Variants in MYO1E observed in about 807,000 individuals in gnomAD.
MYO1E encodes myosin IE.
In MYO1E, 68 loss-of-function variants were observed where a neutral mutation model predicts 151.1. The ratio of observed to expected loss-of-function variants is 0.45; its 90% CI spans 0.37 to 0.55. MYO1E has a LOEUF of 0.55. Ranked by LOEUF, MYO1E falls within the 20% of genes least tolerant of loss-of-function variation. The probability of loss-of-function intolerance (pLI) is 0.00; values close to 1 mark genes in which losing one functional copy is unlikely to be tolerated. For synonymous variants in MYO1E, 601 were observed against 501.7 expected, an observed-to-expected ratio of 1.20 and a Z score of -2.64; for missense variants, 1,363 against 1,389.3, an observed-to-expected ratio of 0.98 and a Z score of 0.30.
chr15:59,209,370 T>C (rs1330797827), intron 13 of MYO1E, among the ~76,000 whole-genome samples: 1 of 152,174 alleles, frequency 6.6e-6, no homozygotes, highest in African/African-American at 2.4e-5. Context: ...TGATATGCTA[T>C]AGTTTGTTTA....
chr15:59,333,527 C>T (rs1567017490), intron 1 of MYO1E, among the ~76,000 whole-genome samples: 2 of 152,256 alleles, frequency 1.3e-5, no homozygotes, highest in South Asian at 2.1e-4. Context: ...TAGGTGAGAG[C>T]GAGGTATCTA....
At chr15:59,330,720 T>C (rs1469616793) in intron 1 of MYO1E, among the ~76,000 whole-genome samples, 1 of 152,216 alleles carries the variant, frequency 6.6e-6, no homozygotes, top group Non-Finnish European at 1.5e-5. Context: ...GTCAGCAAAC[T>C]ACAGCCCGTG....
At chr15:59,214,396 T>C (rs1297298048) in intron 11 of MYO1E, 82 bp from the exon 12 acceptor site, 7 of 1,102,060 alleles carry the variant, frequency 6.4e-6, no homozygotes, top group Non-Finnish European at 9.6e-6. Flanking sequence ...TTGAAATGTC[T>C]TCATGTGAAA....
chr15:59,194,239 T>C (rs1237486359), intron 17 of MYO1E, among the ~76,000 whole-genome samples: 1 of 152,052 alleles, frequency 6.6e-6, no homozygotes, highest in Non-Finnish European at 1.5e-5. Context: ...CATAGTGGCC[T>C]GAAAAGATGG....
chr15:59,231,556 T>C, intron 6 of MYO1E, 146 bp downstream of exon 6: 1 of 869,262 alleles, frequency 1.2e-6, no homozygotes, highest in Admixed American at 2.1e-5. Flanking sequence ...GGCGGCATGC[T>C]GCTATAGAAA....
intron 4 of MYO1E, 25 bp downstream of exon 4, chr15:59,256,259 C>T (rs747732915): frequency 6.5e-5 from 99 of 1,529,760 alleles, no homozygotes; most frequent in Non-Finnish European, 8.4e-5. Flanking sequence ...TCTTCCACGC[C>T]CACTGATAAG....
Position 59,287,912 on chromosome 15 carries a change from A to G in MYO1E, c.4-15463T>C, listed in dbSNP as rs552139231. 3.3e-5 allele frequency among the ~76,000 whole-genome samples: 5 copies of G among 152,374 alleles called. No homozygotes were observed. The South Asian group carries it at 6.2e-4, about 19-fold the overall frequency. On this transcript the variant is annotated intron_variant, in intron 1 of 27. Transcript: ENST00000288235. ...TCAGAAAATGCGTGAATGAATGATT[A>G]TAAGTTATTGTCAAATGAAAACTTT...
intron 26 of MYO1E, 25 bp from the exon 27 acceptor site, chr15:59,138,392 G>A: frequency 6.2e-7 from 1 of 1,613,230 alleles, no homozygotes; most frequent in Non-Finnish European, 8.5e-7. Flanking sequence ...GAGCAGATGA[G>A]ACTGGGCCCC....
chr15:59,141,797 CAAAAAA>C (rs753344067), intron 26 of MYO1E, among the ~76,000 whole-genome samples: 1 of 44,936 alleles, frequency 2.2e-5, no homozygotes. Context: ...GACTTTGTCT[CAAAAAA>C]AAAAAAAAAA....
chr15:59,194,536 G>A (rs577097895), intron 17 of MYO1E, among the ~76,000 whole-genome samples: 13 of 152,244 alleles, frequency 8.5e-5, no homozygotes, highest in East Asian at 5.8e-4. Flanking sequence ...GCTAAACCTG[G>A]AGTTCTTCAC....
In MYO1E at chr15:59,173,423, A is replaced by T. The variant is rs191442831; in HGVS notation, c.2334+323T>A. Among the ~76,000 whole-genome samples the T allele has an allele frequency of 3.5e-3, 505 of 145,902 alleles. 6 individuals carry two copies. Among genetic ancestry groups the T allele is most frequent in the African/African-American group, 0.011 (470 of 41,264 alleles). On this transcript the variant is annotated intron_variant, in intron 21 of 27. Transcript: ENST00000288235. ...TATTGCTAACTGTATTACTATCGAA[A>T]ATTCTCGCATTATTTAAAAGACAAA... is the stretch of plus-strand genomic sequence containing the variant.
intron 1 of MYO1E, among the ~76,000 whole-genome samples, chr15:59,368,061 G>C (rs2080924460): frequency 6.6e-6 from 1 of 152,178 alleles, no homozygotes; most frequent in South Asian, 2.1e-4. Flanking sequence ...AGAGGTTATA[G>C]TGAACCGAGA....
intron 24 of MYO1E, among the ~76,000 whole-genome samples, chr15:59,160,256 T>C (rs1279442026): frequency 6.6e-6 from 1 of 152,004 alleles, no homozygotes; most frequent in African/African-American, 2.4e-5. Context: ...CTGTGTGCTA[T>C]AGATATAAGT....
At chr15:59,309,342 C>T (rs573024740) in intron 1 of MYO1E, among the ~76,000 whole-genome samples, 1 of 152,238 alleles carries the variant, frequency 6.6e-6, no homozygotes, top group East Asian at 1.9e-4. Flanking sequence ...AATACTACAA[C>T]CCCCAAAAAA....
chr15:59,205,094 C>T (rs1313438452), intron 15 of MYO1E, among the ~76,000 whole-genome samples: 1 of 152,194 alleles, frequency 6.6e-6, no homozygotes, highest in Non-Finnish European at 1.5e-5. Flanking sequence ...AATCCAGACC[C>T]AATAGCATGA....
intron 18 of MYO1E, among the ~76,000 whole-genome samples, chr15:59,181,339 A>G (rs1268594368): frequency 6.6e-6 from 1 of 152,238 alleles, no homozygotes; most frequent in African/African-American, 2.4e-5. Flanking sequence ...AAGCATCAGA[A>G]TCTGTATTTG....
intron 4 of MYO1E, among the ~76,000 whole-genome samples, chr15:59,247,670 G>C (rs1200169000): frequency 2.6e-5 from 4 of 152,194 alleles, no homozygotes; most frequent in African/African-American, 9.6e-5. Context: ...CTTTTAAGCA[G>C]AGTGAGCTGG....
intron 1 of MYO1E, among the ~76,000 whole-genome samples, chr15:59,334,833 A>G (rs1362931797): frequency 6.6e-6 from 1 of 152,166 alleles, no homozygotes; most frequent in Admixed American, 6.5e-5. Flanking sequence ...CACACTGACT[A>G]CAAGAATGAT....
At chr15:59,324,670 C>CCA (rs372915991) in intron 1 of MYO1E, among the ~76,000 whole-genome samples, 4,718 of 151,658 alleles carry the variant, frequency 0.031, 209 homozygotes, top group African/African-American at 0.084. Flanking sequence ...CAAGCCCCCC[C>CCA]CCCACAGAGG....
Sources: allele counts gnomAD v4.1 joint callset (sites outside exome capture counted in the v4.1 genomes callset), GRCh38; gene constraint gnomAD v4.1.1; transcripts MANE v1.5; gene names NCBI Gene and HGNC (gene_info 2026-07-23, HGNC 2026-07-21).